ATP6V0A4: variants seen among roughly 807,000 people sequenced by gnomAD.
The protein encoded by ATP6V0A4 is V-type proton ATPase 116 kDa subunit a 4.
In ATP6V0A4, 86 loss-of-function variants were observed where a neutral mutation model predicts 107.3. The ratio of observed to expected loss-of-function variants is 0.80; its 90% CI spans 0.67 to 0.96. The LOEUF is 0.96. Ranked by LOEUF, ATP6V0A4 falls within the 40% of genes least tolerant of loss-of-function variation. ATP6V0A4 has a pLI of 0.00. For synonymous variants in ATP6V0A4, 353 were observed against 381.4 expected (o/e 0.93, Z 0.87); for missense variants, 908 against 1,045.6 (o/e 0.87, Z 1.81).
intron 7 of ATP6V0A4, among the ~76,000 whole-genome samples, chr7:138,761,052 A>G (rs1001291665): frequency 6.6e-6 from 1 of 151,876 alleles, no homozygotes; most frequent in Non-Finnish European, 1.5e-5. Context: ...GCCTCAAGTG[A>G]TCCTCCTGCC....
At chr7:138,766,519 A>AT (rs200325490) in intron 5 of ATP6V0A4, among the ~76,000 whole-genome samples, 130 of 149,394 alleles carry the variant, frequency 8.7e-4, no homozygotes, top group East Asian at 3.1e-3. Context: ...CATGCTAGAC[A>AT]TTTTTTTTTT....
At chr7:138,707,068 A>ATGTGTGCGTGTGTGTGTG (rs1803409825) in intron 21 of ATP6V0A4, among the ~76,000 whole-genome samples, 1 of 90,094 alleles carries the variant, frequency 1.1e-5, no homozygotes, top group Non-Finnish European at 2.0e-5. Context: ...GCTAATTTAT[A>ATGTGTGCGTGTGTGTGTG]TGTGTGTGTG....
intron 17 of ATP6V0A4, among the ~76,000 whole-genome samples, chr7:138,730,926 T>C (rs964833544): frequency 1.3e-5 from 1 of 75,198 alleles, no homozygotes; most frequent in Non-Finnish European, 2.4e-5. Flanking sequence ...TTTCTTCTTC[T>C]TCTTCTTTTT....
intron 18 of ATP6V0A4, among the ~76,000 whole-genome samples, chr7:138,727,674 T>C (rs28412551): frequency 0.23 from 34,832 of 152,038 alleles, 4,235 homozygotes; most frequent in Non-Finnish European, 0.26. Flanking sequence ...CTCAGAAAAA[T>C]AGAATTTAAT....
chr7:138,775,687 G>C (rs1807626946), intron 2 of ATP6V0A4, among the ~76,000 whole-genome samples: 1 of 134,822 alleles, frequency 7.4e-6, no homozygotes. Context: ...CTCTCGCTCT[G>C]TCGCCCAGGC....
At chr7:138,767,260 C>T (rs1807137937) in intron 5 of ATP6V0A4, among the ~76,000 whole-genome samples, 1 of 152,204 alleles carries the variant, frequency 6.6e-6, no homozygotes, top group Non-Finnish European at 1.5e-5. Context: ...AGGTGGCTCA[C>T]GCCTGTAATC....
chr7:138,712,780 C>A (rs1228463809), intron 20 of ATP6V0A4, among the ~76,000 whole-genome samples: 9 of 151,986 alleles, frequency 5.9e-5, no homozygotes, highest in Admixed American at 1.3e-4. Flanking sequence ...CCAGAGGACA[C>A]CCCGACACAT....
At chr7:138,755,593 C>T (rs1173742547) in intron 10 of ATP6V0A4, 96 bp downstream of exon 10, 13 of 1,550,932 alleles carry the variant, frequency 8.4e-6, no homozygotes, top group Middle Eastern at 2.0e-4. Context: ...AGCCAGCCTC[C>T]CAGCAAGGGC....
intron 7 of ATP6V0A4, among the ~76,000 whole-genome samples, chr7:138,761,409 C>T (rs978491110): frequency 2.6e-5 from 4 of 151,958 alleles, no homozygotes; most frequent in East Asian, 2.0e-4. Context: ...CCAAGGCAGG[C>T]GGATCACGAG....
chr7:138,779,361 T>A (rs28800338), intron 2 of ATP6V0A4, among the ~76,000 whole-genome samples: 12,001 of 89,384 alleles, frequency 0.13, 1,483 homozygotes, highest in African/African-American at 0.33. Context: ...AAAAAATAAA[T>A]AAATAAAAGA....
Position 138,745,943 on chromosome 7 carries a change from CAAAA to C in ATP6V0A4, c.1321-667_1321-664del, listed in dbSNP as rs1185253786. 6.5e-4 allele frequency among the ~76,000 whole-genome samples: 47 copies of C among 72,242 alleles called. 1 individual carries two copies. The highest frequency in any genetic ancestry group is 2.2e-3 in the South Asian group (5 of 2,300). The allele number at this position is 72,242 out of a possible 152,430, so 47.4% of individuals were successfully genotyped here. On this transcript the variant is annotated intron_variant, in intron 13 of 21. Transcript: ENST00000310018. ...TGGGTGACAGAGCAAGACTCTGTCT[CAAAA>C]AAAAAAAAAAAAAAAATATATATAT...
rs748712784 is a variant in ATP6V0A4, at chr7:138,759,832, G to A, written c.559C>T (p.Arg187Trp). Residue 187 changes from arginine to tryptophan, a missense_variant, in exon 8 of 22, where the codon CGG (arginine) becomes TGG (tryptophan). Coordinates refer to ENST00000310018, the MANE Select transcript of ATP6V0A4 (RefSeq NM_020632.3). The part of the protein sequence containing the change: ...INRERMASFE[R>W]LLWRICRGNV... ...CCTCGGCAGATTCGCCACAGTAACC[G>A]CTCAAAGGAAGCCATCCTCTCCCTG... The A allele has an allele frequency of 3.1e-6, 5 of 1,614,022 alleles. No individual in the cohort carries two copies. The highest frequency in any genetic ancestry group is 2.2e-5 in the East Asian group (1 of 44,868).
intron 2 of ATP6V0A4, among the ~76,000 whole-genome samples, chr7:138,774,984 G>A (rs1807592130): frequency 6.6e-6 from 1 of 152,062 alleles, no homozygotes; most frequent in South Asian, 2.1e-4. Flanking sequence ...GGCAGAACAA[G>A]CCAATTAGGT....
At chr7:138,742,705 T>C (rs1304555538) in intron 14 of ATP6V0A4, among the ~76,000 whole-genome samples, 1 of 136,056 alleles carries the variant, frequency 7.3e-6, no homozygotes, top group Non-Finnish European at 1.6e-5. Context: ...TTTTTTTTTT[T>C]CATTTTATGT....
At chr7:138,756,045 G>C (rs910213216) in intron 9 of ATP6V0A4, 6 of 596,668 alleles carry the variant, frequency 1.0e-5, no homozygotes, top group Non-Finnish European at 1.7e-5. Context: ...GGGTAAATAA[G>C]ACTGCAAGCT....
At position 138,755,719 on chromosome 7, in the gene ATP6V0A4, G is replaced by C. The variant is rs977638982; in HGVS notation, c.786C>G (p.Ser262Arg). Residue 262 changes from serine (S) to arginine (R), a missense_variant, in exon 10 of 22, where the codon AGC becomes AGG. Ser to Arg is a moderately radical substitution (Grantham distance 110, BLOSUM62 -1). Coordinates refer to ENST00000310018, the MANE Select transcript of ATP6V0A4 (RefSeq NM_020632.3). Reference sequence around the variant, plus strand: ...TTAAATCTTCCAGCCTCACATTGACGCTCTCCAACATCTCTCTGCGCTCCA... The same window carrying C: ...TTAAATCTTCCAGCCTCACATTGACCCTCTCCAACATCTCTCTGCGCTCCA... The part of the protein sequence containing the change: ...PAVERREMLE[S>R]VNVRLEDLIT... 1 of 1,613,714 alleles carries C rather than the reference G, an allele frequency of 6.2e-7. No individual in the cohort carries two copies. The highest frequency in any genetic ancestry group is 1.3e-5 in the African/African-American group (1 of 74,914).
Position 138,769,260 on chromosome 7 carries a change from G to C in ATP6V0A4, c.118-9C>G. The stretch of plus-strand genomic sequence containing the variant: ...TTCACATTCATATTTAACTATGGGG[G>C]CGAAAATCACAAGATACATGTTAGT... On this transcript the variant is annotated splice_polypyrimidine_tract_variant and intron_variant, in intron 3 of 21. Coordinates refer to ENST00000310018, the MANE Select transcript of ATP6V0A4 (RefSeq NM_020632.3). 6.2e-7 allele frequency: 1 copy of C among 1,610,780 alleles called. No homozygotes were observed. The highest frequency in any genetic ancestry group is 8.5e-7 in the Non-Finnish European group (1 of 1,179,910).
chr7:138,747,398 A>AG (rs1806003485), intron 13 of ATP6V0A4, 27 bp downstream of exon 13: 3 of 1,609,592 alleles, frequency 1.9e-6, no homozygotes. Flanking sequence ...AAAATGAATC[A>AG]GGGCAAGACG....
chr7:138,730,072 G>A (rs934944628), intron 17 of ATP6V0A4, among the ~76,000 whole-genome samples: 1 of 152,116 alleles, frequency 6.6e-6, no homozygotes, highest in African/African-American at 2.4e-5. Context: ...TTTTAGTCGG[G>A]ACGGGGTTTC....
Sources: gnomAD v4.1 joint callset for allele counts (sites outside exome capture counted in the v4.1 genomes callset) on GRCh38, gnomAD v4.1.1 for gene constraint, MANE v1.5 for transcripts, NCBI Gene and HGNC (gene_info 2026-07-23, HGNC 2026-07-21) for gene names.